The following SLC35F3 variants were observed in gnomAD, a reference collection of about 807,000 sequenced individuals.
SLC35F3 encodes putative thiamine transporter SLC35F3.
Under a neutral mutation model 49.9 loss-of-function variants are expected in SLC35F3, and 25 were observed. The ratio of observed to expected loss-of-function variants is 0.50; its 90% CI spans 0.37 to 0.70. The LOEUF (loss-of-function observed/expected upper bound fraction) is 0.70. SLC35F3 is among the 30% of genes least tolerant of loss of function. SLC35F3 has a pLI of 0.00. For missense variants in SLC35F3, 525 were observed against 639.8 expected, an observed-to-expected ratio of 0.82 and a Z score of 1.94; for synonymous variants, 275 against 265.4, an observed-to-expected ratio of 1.04 and a Z score of -0.35.
In SLC35F3 at chr1:233,957,949, C is replaced by T. The variant is rs1662733635; in HGVS notation, c.283+52191C>T. Among the ~76,000 whole-genome samples, 3 of 152,168 alleles carry T rather than the reference C, an allele frequency of 2.0e-5. No homozygotes were observed. The highest frequency in any genetic ancestry group is 4.1e-4 in the South Asian group (2 of 4,822). Reference sequence around the variant, plus strand: ...GTGGTCAAGTGGGTCTAGGGTTCAACTTTGCTGAGGCTTAACTAGGACTTG... The same window carrying T: ...GTGGTCAAGTGGGTCTAGGGTTCAATTTTGCTGAGGCTTAACTAGGACTTG... On this transcript the variant is annotated intron_variant, in intron 2 of 7. Coordinates refer to ENST00000366618, the MANE Select transcript of SLC35F3 (RefSeq NM_173508.4). This position sits in a 1 kb window ranked among gnomAD's most constrained non-coding sequence, Gnocchi z 4.0.
intron 3 of SLC35F3, among the ~76,000 whole-genome samples, chr1:234,232,722 G>A (rs150542982): frequency 6.6e-6 from 1 of 150,552 alleles, no homozygotes; most frequent in African/African-American, 2.4e-5. Context: ...CCATAAGATT[G>A]CTATGTCCTG....
At chr1:233,960,418 G>T (rs970101451) in intron 2 of SLC35F3, among the ~76,000 whole-genome samples, 1 of 152,106 alleles carries the variant, frequency 6.6e-6, no homozygotes, top group Non-Finnish European at 1.5e-5. Flanking sequence ...AGGTAACCCC[G>T]TGTCAGTTTA....
At chr1:233,935,189 C>CTTTT (rs35418747) in intron 2 of SLC35F3, among the ~76,000 whole-genome samples, 4,330 of 50,128 alleles carry the variant, frequency 0.086, 1,261 homozygotes, top group East Asian at 0.21. Flanking sequence ...TTTCCTTGCC[C>CTTTT]TTTTTTTTTT....
intron 3 of SLC35F3, among the ~76,000 whole-genome samples, chr1:234,281,983 G>GT (rs1447849083): frequency 1.3e-5 from 2 of 151,988 alleles, no homozygotes; most frequent in African/African-American, 2.4e-5. Context: ...CTTAAGCGCT[G>GT]TTTTTTTCCA....
intron 3 of SLC35F3, among the ~76,000 whole-genome samples, chr1:234,249,621 A>G (rs1041072222): frequency 6.6e-6 from 1 of 152,194 alleles, no homozygotes; most frequent in African/African-American, 2.4e-5. Flanking sequence ...ACCCCTGGCC[A>G]GGGCCCTGCG....
At chr1:234,165,856 CCCTT>C (rs1666311008) in intron 2 of SLC35F3, among the ~76,000 whole-genome samples, 1 of 152,154 alleles carries the variant, frequency 6.6e-6, no homozygotes, top group Non-Finnish European at 1.5e-5. Context: ...CCCTCATCCT[CCCTT>C]CCTTCTGAGT....
chr1:234,272,033 G>A (rs1477717207), intron 3 of SLC35F3, among the ~76,000 whole-genome samples: 1 of 152,196 alleles, frequency 6.6e-6, no homozygotes, highest in African/African-American at 2.4e-5. Context: ...GGCTGAGGCA[G>A]GAGGATCATT....
chr1:234,155,305 G>A (rs566542749), intron 2 of SLC35F3, among the ~76,000 whole-genome samples: 2 of 152,080 alleles, frequency 1.3e-5, no homozygotes, highest in Non-Finnish European at 2.9e-5. Context: ...GTCTAATAAA[G>A]GTTTCTACTG....
chr1:234,305,815 A>C (rs1657154758), intron 3 of SLC35F3, among the ~76,000 whole-genome samples: 1 of 152,230 alleles, frequency 6.6e-6, no homozygotes, highest in Non-Finnish European at 1.5e-5. Flanking sequence ...TGAAATACCA[A>C]GAACAGCTAA....
At chr1:234,127,015 T>C (rs1665658387) in intron 2 of SLC35F3, among the ~76,000 whole-genome samples, 2 of 152,228 alleles carry the variant, frequency 1.3e-5, no homozygotes. Flanking sequence ...ATGTTTCATT[T>C]CAGAAATGCT....
intron 3 of SLC35F3, among the ~76,000 whole-genome samples, chr1:234,233,523 C>T (rs779829166): frequency 1.3e-5 from 2 of 152,200 alleles, no homozygotes; most frequent in Admixed American, 6.5e-5. Context: ...CCACTTAGGG[C>T]GGGCCTGGCA....
intron 2 of SLC35F3, among the ~76,000 whole-genome samples, chr1:234,069,173 A>G (rs1664675604): frequency 7.3e-6 from 1 of 137,502 alleles, no homozygotes; most frequent in Admixed American, 7.8e-5. Context: ...TATATAATAT[A>G]ATATATAAAA....
chr1:234,197,769 C>G (rs984922125), intron 2 of SLC35F3, among the ~76,000 whole-genome samples: 4 of 152,210 alleles, frequency 2.6e-5, no homozygotes, highest in African/African-American at 9.7e-5. Context: ...TCTTCATTGA[C>G]CTTAACTCAA....
chr1:234,043,668 A>C (rs1664253919), intron 2 of SLC35F3, among the ~76,000 whole-genome samples: 1 of 152,206 alleles, frequency 6.6e-6, no homozygotes, highest in African/African-American at 2.4e-5. Context: ...GAATCTCTGA[A>C]AAGGTCTCCA....
chr1:233,914,151 GA>G (rs933456614), intron 2 of SLC35F3, among the ~76,000 whole-genome samples: 1 of 151,534 alleles, frequency 6.6e-6, no homozygotes, highest in Non-Finnish European at 1.5e-5. Flanking sequence ...GTGTAGATTA[GA>G]CCAGGGGTAG....
intron 3 of SLC35F3, among the ~76,000 whole-genome samples, chr1:234,280,554 C>A (rs75374307): frequency 2.0e-5 from 3 of 152,072 alleles, no homozygotes; most frequent in Non-Finnish European, 4.4e-5. Flanking sequence ...GTGGGTAGAA[C>A]AAGAAAATGG....
intron 2 of SLC35F3, among the ~76,000 whole-genome samples, chr1:233,963,576 C>T (rs1261729234): frequency 1.3e-5 from 2 of 152,050 alleles, no homozygotes; most frequent in Admixed American, 6.5e-5. Flanking sequence ...GCTGGGATTA[C>T]AGGCATGAGC....
chr1:233,973,424 G>A (rs1260506101), intron 2 of SLC35F3, among the ~76,000 whole-genome samples: 2 of 152,230 alleles, frequency 1.3e-5, no homozygotes, highest in Admixed American at 1.3e-4. Context: ...TGGGGATCGA[G>A]TATGATATTG....
At chr1:234,241,172 C>G (rs113061126) in intron 3 of SLC35F3, among the ~76,000 whole-genome samples, 14 of 152,280 alleles carry the variant, frequency 9.2e-5, no homozygotes, top group Middle Eastern at 3.4e-3. Context: ...TAAATTGGAA[C>G]GACCACCCTG....
Sources: allele counts gnomAD v4.1 joint callset (sites outside exome capture counted in the v4.1 genomes callset), GRCh38; gene constraint gnomAD v4.1.1; non-coding constraint Gnocchi (gnomAD v3.1); transcripts MANE v1.5; gene names NCBI Gene and HGNC (gene_info 2026-07-23, HGNC 2026-07-21).